HELB: variants seen among roughly 807,000 people sequenced by gnomAD.
HELB encodes the protein DNA 5'-3' helicase B.
In HELB, 96 loss-of-function variants were observed where a neutral mutation model predicts 101.7. The observed-to-expected ratio is 0.94, with a 90% CI of 0.80 to 1.12. HELB has a LOEUF of 1.12. HELB is among the 50% of genes most tolerant of loss of function. The probability of loss-of-function intolerance (pLI) is 0.00; values close to 1 mark genes in which losing one functional copy is unlikely to be tolerated. For missense variants in HELB, 1,210 were observed against 1,291.9 expected, an observed-to-expected ratio of 0.94 and a Z score of 0.97; for synonymous variants, 437 against 459.7, an observed-to-expected ratio of 0.95 and a Z score of 0.63.
At chr12:66,325,869 G>GC (rs1007907396) in intron 11 of HELB, among the ~76,000 whole-genome samples, 10 of 151,806 alleles carry the variant, frequency 6.6e-5, no homozygotes, top group African/African-American at 2.4e-4. Context: ...TTATCCCCCC[G>GC]CCCCCAACTT....
chr12:66,335,956 C>T (rs1375070665), intron 12 of HELB, among the ~76,000 whole-genome samples: 1 of 152,132 alleles, frequency 6.6e-6, no homozygotes, highest in Non-Finnish European at 1.5e-5. Context: ...AGGGCACACA[C>T]CCCTTCTGTA....
intron 11 of HELB, among the ~76,000 whole-genome samples, chr12:66,329,555 G>T (rs780086110): frequency 2.6e-5 from 4 of 152,156 alleles, no homozygotes; most frequent in Non-Finnish European, 5.9e-5. Context: ...GCTGGCTCTT[G>T]AAGGGCTTTA....
intron 1 of HELB, among the ~76,000 whole-genome samples, chr12:66,303,776 C>T (rs2053438377): frequency 6.6e-6 from 1 of 152,152 alleles, no homozygotes; most frequent in African/African-American, 2.4e-5. Context: ...GAGGTAGTTT[C>T]CTGTGCTATA....
In HELB at chr12:66,331,608, G is replaced by A. The variant is rs1253197709; in HGVS notation, c.3125G>A (p.Gly1042Asp). ...PKSRASKRTC[G>D]VNDDESPSKI... ...TCGCGAGCATCCAAAAGAACCTGTG[G>A]TGTGAATGATGATGAAAGTCCAAGC... The change falls in exon 12 of 13, where the codon GGT (glycine) becomes GAT (aspartate). Residue 1042 changes from glycine to aspartate, a missense_variant. This residue lies in a region of HELB where 740 missense variants were observed against 728.8 expected (regional missense o/e 1.02). Coordinates refer to ENST00000247815, the MANE Select transcript of HELB (RefSeq NM_001370285.1). 1.2e-6 allele frequency: 2 copies of A among 1,607,710 alleles called. No homozygotes were observed. The highest frequency in any genetic ancestry group is 1.3e-5 in the African/African-American group (1 of 74,972).
rs776864219 is a variant in HELB at position 66,309,792 on chromosome 12, T to A, written c.864T>A (p.Thr288=). The change falls in exon 4 of 13, where the codon ACT becomes ACA. Residue 288 remains threonine (T), a synonymous_variant. Coordinates refer to ENST00000247815, the MANE Select transcript of HELB (RefSeq NM_001370285.1). The part of the protein sequence containing the change: ...CQCESLLQLM[T]DLEKNALIMY... ...GTGAGTCTCTTCTCCAGCTGATGAC[T>A]GATTTGGAGAAGAATGCATTAATAA... 64 of 1,614,154 alleles carry A rather than the reference T, an allele frequency of 4.0e-5. No homozygotes were observed. In the East Asian group the frequency reaches 1.4e-3, roughly 35 times the overall value.
rs115924355 is a variant in HELB at position 66,325,698 on chromosome 12, G to A, written c.2670+572G>A. On this transcript the variant is annotated intron_variant, in intron 11 of 12. Coordinates refer to ENST00000247815, the MANE Select transcript of HELB (RefSeq NM_001370285.1). ...TGTTTTCTGTGTTACTGAGGCTTAT[G>A]TAAATGGTGTAATCATGTTTCTATA... Among the ~76,000 whole-genome samples, 110 of 152,300 alleles carry A rather than the reference G, an allele frequency of 7.2e-4. 1 individual carries two copies. The highest frequency in any genetic ancestry group is 2.5e-3 in the African/African-American group (102 of 41,566).
At chr12:66,331,080 C>T (rs867580471) in intron 11 of HELB, 74 bp from the exon 12 acceptor site, 3 of 1,495,678 alleles carry the variant, frequency 2.0e-6, no homozygotes, top group Middle Eastern at 1.8e-4. Context: ...GAACACTTGT[C>T]TCCTTTCCTT....
intron 12 of HELB, among the ~76,000 whole-genome samples, chr12:66,331,942 T>C (rs147212898): frequency 1.3e-3 from 201 of 152,282 alleles, no homozygotes; most frequent in African/African-American, 4.6e-3. Flanking sequence ...CACCAGTGAT[T>C]TGGCTAACAA....
In HELB at chr12:66,338,109, T is replaced by G; in HGVS notation, c.*7T>G. ...CGATAATCAAGAAACTTAGTTTTAT[T>G]TCAAATTGTTCCGAGTAACTATGTT... On this transcript the variant is annotated 3_prime_UTR_variant, in exon 13 of 13. Transcript: ENST00000247815. 1 of 1,396,612 alleles carries G rather than the reference T, an allele frequency of 7.2e-7. No homozygotes were observed. The highest frequency in any genetic ancestry group is 1.2e-5 in the South Asian group (1 of 86,022). 86.5% of individuals were successfully genotyped at this position (1,396,612 alleles called of 1,614,324 possible).
Position 66,305,148 on chromosome 12 carries a change from C to G in HELB, c.605C>G (p.Thr202Arg). ...GAGATGAGTCTTCCTCTGGAAAACA[C>G]AAGTAAGTGTGATTTTTATCATCAA... The part of the protein sequence containing the change: ...DNEMSLPLEN[T>R]IPFRNVMTAL... The change falls in exon 2 of 13, where the codon ACA (threonine) becomes AGA (arginine). Residue 202 changes from threonine to arginine, a missense_variant and splice_region_variant. Coordinates refer to ENST00000247815, the MANE Select transcript of HELB (RefSeq NM_001370285.1). 1 of 1,525,054 alleles carries G rather than the reference C, an allele frequency of 6.6e-7. No homozygotes were observed. Among genetic ancestry groups the G allele is most frequent in the South Asian group, 1.3e-5 (1 of 79,800 alleles). 94.5% of individuals were successfully genotyped at this position (1,525,054 alleles called of 1,614,324 possible).
At chr12:66,309,347 C>A (rs1172988099) in intron 3 of HELB, among the ~76,000 whole-genome samples, 1 of 151,910 alleles carries the variant, frequency 6.6e-6, no homozygotes, top group Non-Finnish European at 1.5e-5. Context: ...GGAAAAATAT[C>A]TATAGTACTT....
chr12:66,322,830 A>T, intron 9 of HELB, 47 bp downstream of exon 9: 3 of 1,246,686 alleles, frequency 2.4e-6, no homozygotes, highest in Non-Finnish European at 3.4e-6. Context: ...TCCTTCTTCG[A>T]TTTGCTGGTT....
chr12:66,341,280 A>C (rs2137024649), downstream of HELB: 1 of 152,424 alleles, frequency 6.6e-6, no homozygotes, highest in Non-Finnish European at 1.5e-5. Context: ...GCACAGGAAG[A>C]AAGAGAGGGA....
At chr12:66,325,756 G>C (rs1426498946) in intron 11 of HELB, among the ~76,000 whole-genome samples, 1 of 151,616 alleles carries the variant, frequency 6.6e-6, no homozygotes, top group African/African-American at 2.4e-5. Flanking sequence ...TTTATTTTTT[G>C]CCTTATCAAC....
intron 12 of HELB, among the ~76,000 whole-genome samples, chr12:66,336,442 T>C (rs1216869030): frequency 6.6e-6 from 1 of 152,284 alleles, no homozygotes; most frequent in South Asian, 2.1e-4. Flanking sequence ...GTGGTTCTAA[T>C]AGAAGTGTAA....
chr12:66,309,370 G>T (rs1481434761), intron 3 of HELB, among the ~76,000 whole-genome samples: 1 of 152,110 alleles, frequency 6.6e-6, no homozygotes, highest in Non-Finnish European at 1.5e-5. Context: ...AAATATGGAA[G>T]TAAATTCTGG....
Position 66,304,983 on chromosome 12 carries a change from G to A in HELB, c.440G>A (p.Trp147Ter). ...GATGATGTTAATAAATTTTTAACAT[G>A]GGTAAAGGAGGTATCAAACTACAAA... ...SSDDVNKFLT[W>*]VKEVSNYKNL... Residue 147 changes from tryptophan to a stop codon, truncating the protein, a stop_gained, in exon 2 of 13, where the codon TGG becomes TAG. Transcript: ENST00000247815. LOFTEE classifies it high-confidence loss of function. 6.2e-7 allele frequency: 1 copy of A among 1,613,846 alleles called. No individual in the cohort carries two copies. The highest frequency in any genetic ancestry group is 8.5e-7 in the Non-Finnish European group (1 of 1,179,920).
At chr12:66,302,939 A>G (rs2053423366) in intron 1 of HELB, 149 bp downstream of exon 1, 2 of 598,072 alleles carry the variant, frequency 3.3e-6, no homozygotes, top group South Asian at 2.4e-5. Flanking sequence ...GGGTAAAATT[A>G]TGACTATAAT....
chr12:66,331,247 C>T lies in HELB; in HGVS notation c.2764C>T (p.Arg922Ter), dbSNP rs546363211. The T allele has an allele frequency of 1.7e-5, 28 of 1,614,050 alleles. No individual in the cohort carries two copies. The highest frequency in any genetic ancestry group is 2.2e-5 in the East Asian group (1 of 44,900). Reference sequence around the variant, plus strand: ...CACCGCCGTGACCAGGGGCCGCTGCCGAGTGTATGTGATTGCAGAGGAGTC... The same window carrying T: ...CACCGCCGTGACCAGGGGCCGCTGCTGAGTGTATGTGATTGCAGAGGAGTC... The part of the protein sequence containing the change: ...VYTAVTRGRC[R>*]VYVIAEESQL... The change falls in exon 12 of 13, where the codon CGA becomes TGA. Residue 922 changes from arginine (R) to a stop codon, truncating the protein, a stop_gained. Coordinates refer to ENST00000247815, the MANE Select transcript of HELB (RefSeq NM_001370285.1). LOFTEE classifies it high-confidence loss of function.
Sources: allele counts gnomAD v4.1 joint callset (sites outside exome capture counted in the v4.1 genomes callset), GRCh38; gene constraint gnomAD v4.1.1; regional missense constraint gnomAD v4.1.1; transcripts MANE v1.5; gene names NCBI Gene and HGNC (gene_info 2026-07-23, HGNC 2026-07-21).